The following PPP1R21 variants were observed in gnomAD, a reference collection of about 807,000 sequenced individuals.
The protein encoded by PPP1R21 is protein phosphatase 1 regulatory subunit 21, also known as KLRAQ motif containing 1.
In PPP1R21, 85 loss-of-function variants were observed where a neutral mutation model predicts 112.8. The observed-to-expected ratio is 0.75, with a 90% confidence interval of 0.63 to 0.90. The LOEUF is 0.90. Ranked by LOEUF, PPP1R21 falls within the 40% of genes least tolerant of loss-of-function variation. The pLI, the probability that PPP1R21 is intolerant of heterozygous loss-of-function variation, is 0.00. For missense variants in PPP1R21, 1,199 were observed against 901.5 expected, an observed-to-expected ratio of 1.33 and a Z score of -4.23; for synonymous variants, 381 against 322.3, an observed-to-expected ratio of 1.18 and a Z score of -1.95.
At chr2:48,474,103 C>T (rs1668637501) in intron 11 of PPP1R21, among the ~76,000 whole-genome samples, 1 of 152,134 alleles carries the variant, frequency 6.6e-6, no homozygotes, top group Admixed American at 6.5e-5. Context: ...AAAAATATGG[C>T]CGGGCGTGGT....
chr2:48,479,552 T>C (rs1668910467), intron 12 of PPP1R21: 2 of 483,496 alleles, frequency 4.1e-6, no homozygotes, highest in South Asian at 1.5e-5. Context: ...CTCTGTGATA[T>C]TTGGGTAAGA....
chr2:48,461,832 C>G (rs958006100), intron 7 of PPP1R21, among the ~76,000 whole-genome samples: 1 of 152,060 alleles, frequency 6.6e-6, no homozygotes, highest in African/African-American at 2.4e-5. Context: ...TTGAAACTTA[C>G]ATTCAAATTG....
chr2:48,461,335 G>T, intron 7 of PPP1R21, 103 bp downstream of exon 7: 1 of 1,347,824 alleles, frequency 7.4e-7, no homozygotes, highest in Non-Finnish European at 9.6e-7. Flanking sequence ...AAATTTAATT[G>T]GCCCCACAGA....
Position 48,459,752 on chromosome 2 carries a change from A to C in PPP1R21, c.376-2A>C, listed in dbSNP as rs757392695. On this transcript the variant is annotated splice_acceptor_variant, in intron 4 of 21. Transcript: ENST00000294952. LOFTEE classifies it high-confidence loss of function. The stretch of plus-strand genomic sequence containing the variant: ...GAAGAGAAAATGGTCTTCTCTTTTT[A>C]GTTTTTTGAAGCTGATGAGCAGCAC... 2 of 1,607,246 alleles carry C rather than the reference A, an allele frequency of 1.2e-6. No individual in the cohort carries two copies. Among genetic ancestry groups the C allele is most frequent in the Admixed American group, 1.7e-5 (1 of 58,152 alleles).
intron 12 of PPP1R21, among the ~76,000 whole-genome samples, chr2:48,475,097 C>T (rs908436673): frequency 2.0e-5 from 3 of 152,120 alleles, no homozygotes; most frequent in African/African-American, 7.2e-5. Flanking sequence ...TCACACCTGT[C>T]ATCCCAGCAC....
intron 7 of PPP1R21, among the ~76,000 whole-genome samples, chr2:48,462,676 C>G (rs906593094): frequency 1.3e-5 from 2 of 152,092 alleles, no homozygotes; most frequent in Non-Finnish European, 2.9e-5. Flanking sequence ...TGGGACTGGA[C>G]CCTAGTGTTC....
rs1558523885 is a variant in PPP1R21 at position 48,505,616 on chromosome 2, A to C, written c.1968+20A>C. ...AGTGAGGTAACATGTGCTTGTCATC[A>C]TGTTGTTTGTTAGTAAATATCTGGC... On this transcript the variant is annotated intron_variant, in intron 18 of 21. Transcript: ENST00000294952. The C allele has an allele frequency of 6.5e-7, 1 of 1,542,658 alleles. No individual in the cohort carries two copies. Among genetic ancestry groups the C allele is most frequent in the Non-Finnish European group, 8.8e-7 (1 of 1,138,250 alleles).
intron 21 of PPP1R21, among the ~76,000 whole-genome samples, chr2:48,512,079 A>G (rs1670667978): frequency 6.6e-6 from 1 of 152,158 alleles, no homozygotes; most frequent in Non-Finnish European, 1.5e-5. Flanking sequence ...GGCTTTAGGA[A>G]AGGATTGCTC....
intron 1 of PPP1R21, among the ~76,000 whole-genome samples, chr2:48,446,643 T>C (rs1667260077): frequency 6.6e-6 from 1 of 152,182 alleles, no homozygotes; most frequent in African/African-American, 2.4e-5. Context: ...TTGAGTTCCT[T>C]CTCTATCCAT....
At chr2:48,447,308 C>T (rs1027722837) in intron 1 of PPP1R21, among the ~76,000 whole-genome samples, 2 of 151,960 alleles carry the variant, frequency 1.3e-5, no homozygotes, top group African/African-American at 4.8e-5. Flanking sequence ...GGGCTGTGCT[C>T]TCAAAGTAAG....
At chr2:48,444,437 A>G (rs764736313) in intron 1 of PPP1R21, among the ~76,000 whole-genome samples, 3 of 152,252 alleles carry the variant, frequency 2.0e-5, no homozygotes, top group Admixed American at 6.5e-5. Context: ...TGTTTCTTCC[A>G]TGACCTGCTC....
At chr2:48,478,842 T>A (rs1177932306) in intron 12 of PPP1R21, among the ~76,000 whole-genome samples, 1 of 152,224 alleles carries the variant, frequency 6.6e-6, no homozygotes, top group African/African-American at 2.4e-5. Context: ...AGGCTTGAAC[T>A]TCTCCACACT....
intron 21 of PPP1R21, among the ~76,000 whole-genome samples, chr2:48,513,246 C>T (rs954234291): frequency 6.6e-6 from 1 of 151,812 alleles, no homozygotes; most frequent in Admixed American, 6.6e-5. Flanking sequence ...GCTCTGTCAC[C>T]CAGGCTGGAG....
At chr2:48,485,026 G>A (rs1258050533) in intron 13 of PPP1R21, among the ~76,000 whole-genome samples, 1 of 12,676 alleles carries the variant, frequency 7.9e-5, no homozygotes, top group African/African-American at 2.5e-4. Flanking sequence ...TTAGGGATGA[G>A]CAATTCAGTA....
intron 21 of PPP1R21, among the ~76,000 whole-genome samples, chr2:48,512,999 T>C (rs1223199305): frequency 6.6e-6 from 1 of 152,224 alleles, no homozygotes; most frequent in Non-Finnish European, 1.5e-5. Flanking sequence ...TAATTTGTTT[T>C]AGTGTAGTAG....
chr2:48,465,427 T>C (rs917323242), intron 8 of PPP1R21, 66 bp from the exon 9 acceptor site: 5 of 1,414,248 alleles, frequency 3.5e-6, no homozygotes, highest in Non-Finnish European at 4.8e-6. Flanking sequence ...CAGATCAGAC[T>C]CAATAAAGTT....
chr2:48,467,884 G>A (rs2103830888), intron 9 of PPP1R21, among the ~76,000 whole-genome samples: 1 of 152,320 alleles, frequency 6.6e-6, no homozygotes, highest in South Asian at 2.1e-4. Context: ...CATGTGTGCT[G>A]TAAGTGCCTC....
At chr2:48,497,257 T>C (rs1669889113) in intron 16 of PPP1R21, among the ~76,000 whole-genome samples, 1 of 152,228 alleles carries the variant, frequency 6.6e-6, no homozygotes, top group African/African-American at 2.4e-5. Flanking sequence ...TGTTTGTTGA[T>C]GGGGAAATAC....
chr2:48,475,898 T>G (rs1002807493), intron 12 of PPP1R21, among the ~76,000 whole-genome samples: 1 of 152,122 alleles, frequency 6.6e-6, no homozygotes, highest in Non-Finnish European at 1.5e-5. Flanking sequence ...TTAAATGACA[T>G]TTTTAAGAAT....
Sources: allele counts gnomAD v4.1 joint callset (sites outside exome capture counted in the v4.1 genomes callset), GRCh38; gene constraint gnomAD v4.1.1; transcripts MANE v1.5; gene names NCBI Gene and HGNC (gene_info 2026-07-23, HGNC 2026-07-21).